Variants in TAOK1 observed in about 807,000 individuals in gnomAD.
TAOK1 encodes serine/threonine-protein kinase TAO1.
A neutral mutation model predicts 138.3 loss-of-function variants in TAOK1; 21 were observed. The observed-to-expected ratio is 0.15, with a 90% CI of 0.11 to 0.22. TAOK1 has a LOEUF of 0.22. Among genes scored for constraint, TAOK1 ranks in the 10% least tolerant of loss-of-function variants. TAOK1 has a pLI of 1.00. For missense variants in TAOK1, 651 were observed against 1,227.7 expected, an observed-to-expected ratio of 0.53 and a Z score of 7.02; for synonymous variants, 361 against 398.4, an observed-to-expected ratio of 0.91 and a Z score of 1.12.
chr17:29,466,286 G>A (rs900025431), intron 2 of TAOK1, among the ~76,000 whole-genome samples: 3 of 152,046 alleles, frequency 2.0e-5, no homozygotes, highest in Non-Finnish European at 4.4e-5. Context: ...TGGGATTACA[G>A]GCGTGCACCA....
rs551926378 is a variant in TAOK1, at chr17:29,483,465, C to G, written c.655+1177C>G. 2.6e-5 allele frequency among the ~76,000 whole-genome samples: 4 copies of G among 152,104 alleles called. No homozygotes were observed. In the East Asian group the frequency reaches 5.8e-4, roughly 22 times the overall value. ...TAATTTTGATTAATCATTATCTACT[C>G]GAGTTTGTCAGTAGTTTTCTAAAAT... is the stretch of plus-strand genomic sequence containing the variant. On this transcript the variant is annotated intron_variant, in intron 8 of 19. Transcript: ENST00000261716.
At chr17:29,411,232 C>T (rs1222282005) in intron 1 of TAOK1, among the ~76,000 whole-genome samples, 2 of 149,720 alleles carry the variant, frequency 1.3e-5, no homozygotes, top group African/African-American at 4.9e-5. Context: ...GCTGGGACTA[C>T]AGGCGCCCGC....
intron 1 of TAOK1, among the ~76,000 whole-genome samples, chr17:29,428,891 C>T (rs749199226): frequency 1.3e-4 from 20 of 151,966 alleles, no homozygotes; most frequent in Non-Finnish European, 2.1e-4. Flanking sequence ...CCTCGACCTC[C>T]CAGAGTGCTG....
At chr17:29,434,061 C>CA (rs1175539273) in intron 1 of TAOK1, among the ~76,000 whole-genome samples, 1 of 152,066 alleles carries the variant, frequency 6.6e-6, no homozygotes, top group Non-Finnish European at 1.5e-5. Context: ...CAAAACGAAA[C>CA]AAGGGGCGGG....
At chr17:29,491,363 T>C (rs1008144833) in intron 9 of TAOK1, among the ~76,000 whole-genome samples, 4 of 151,796 alleles carry the variant, frequency 2.6e-5, no homozygotes, top group Non-Finnish European at 5.9e-5. Flanking sequence ...GCAGATAGAG[T>C]GATATTCTGA....
chr17:29,466,436 G>A (rs574551708), intron 2 of TAOK1, among the ~76,000 whole-genome samples: 10 of 152,082 alleles, frequency 6.6e-5, no homozygotes, highest in Admixed American at 1.3e-4. Flanking sequence ...GAGCCACCAC[G>A]CCCAGCCTGT....
rs1158936354 is a variant in TAOK1 at position 29,542,842 on chromosome 17, G to A, written c.2826G>A (p.Gln942=). ...AWGHPMQGGP[Q]PWGHPSGPMQ... ...GCCATCCAATGCAAGGTGGACCCCA[G>A]CCATGGGGTCACCCTTCAGGGCCAA... The change falls in exon 20 of 20, where the codon CAG becomes CAA. Residue 942 remains glutamine, a synonymous_variant. Transcript: ENST00000261716. 1 of 1,614,052 alleles carries A rather than the reference G, an allele frequency of 6.2e-7. No homozygotes were observed. The highest frequency in any genetic ancestry group is 1.3e-5 in the African/African-American group (1 of 74,920).
At chr17:29,455,103 G>T (rs2153024562) in intron 2 of TAOK1, among the ~76,000 whole-genome samples, 1 of 152,054 alleles carries the variant, frequency 6.6e-6, no homozygotes, top group East Asian at 1.9e-4. Context: ...TAGAGACAGG[G>T]TTTCACCATG....
chr17:29,412,337 C>T (rs1905167118), intron 1 of TAOK1, among the ~76,000 whole-genome samples: 1 of 151,938 alleles, frequency 6.6e-6, no homozygotes, highest in Non-Finnish European at 1.5e-5. Context: ...GCCCCCATGC[C>T]CAGCCGATAC....
Position 29,542,805 on chromosome 17 carries a change from C to T in TAOK1, c.2789C>T (p.Pro930Leu). The change falls in exon 20 of 20, where the codon CCA becomes CTA. Residue 930 changes from proline to leucine, a missense_variant. Physicochemically the swap from Pro to Leu is moderately conservative, Grantham distance 98 (BLOSUM62 -3). This residue lies in a region of TAOK1 where 108 missense variants were observed against 120.3 expected (regional missense o/e 0.90). Transcript: ENST00000261716. The part of the protein sequence containing the change: ...PHWGHPMGGP[P>L]QAWGHPMQGG... The stretch of plus-strand genomic sequence containing the variant: ...TGGGGTCATCCCATGGGTGGCCCAC[C>T]ACAAGCTTGGGGCCATCCAATGCAA... 6.2e-7 allele frequency: 1 copy of T among 1,614,144 alleles called. No individual in the cohort carries two copies. Among genetic ancestry groups the T allele is most frequent in the Non-Finnish European group, 8.5e-7 (1 of 1,180,006 alleles).
chr17:29,406,407 A>G (rs1201839559), intron 1 of TAOK1, among the ~76,000 whole-genome samples: 3 of 152,126 alleles, frequency 2.0e-5, no homozygotes, highest in Non-Finnish European at 2.9e-5. Context: ...TGAGAGCATG[A>G]ATGATCAATA....
intron 1 of TAOK1, among the ~76,000 whole-genome samples, chr17:29,425,962 G>T (rs1008406282): frequency 6.6e-6 from 1 of 152,126 alleles, no homozygotes; most frequent in Non-Finnish European, 1.5e-5. Context: ...CTCACTGCAA[G>T]CTCCGCCTTC....
chr17:29,528,412 T>C (rs1263098263), intron 17 of TAOK1, among the ~76,000 whole-genome samples: 9 of 152,190 alleles, frequency 5.9e-5, no homozygotes, highest in Admixed American at 5.2e-4. Flanking sequence ...CATTGCGAAG[T>C]ATATCTCTAC....
intron 10 of TAOK1, among the ~76,000 whole-genome samples, chr17:29,493,015 C>T (rs1255020489): frequency 6.6e-6 from 1 of 151,476 alleles, no homozygotes; most frequent in Non-Finnish European, 1.5e-5. Context: ...ATGGTGGACT[C>T]GTGTAGTCCC....
chr17:29,461,560 A>G (rs2030532178), intron 2 of TAOK1, among the ~76,000 whole-genome samples: 1 of 152,168 alleles, frequency 6.6e-6, no homozygotes, highest in Non-Finnish European at 1.5e-5. Context: ...GACAGTTTTA[A>G]CATTAAATAA....
intron 1 of TAOK1, among the ~76,000 whole-genome samples, chr17:29,441,665 G>C (rs2029942274): frequency 6.6e-6 from 1 of 152,118 alleles, no homozygotes; most frequent in Non-Finnish European, 1.5e-5. Context: ...ACTTTGGGAG[G>C]CTAAGGCAGG....
chr17:29,477,391 A>G (rs982789516), intron 4 of TAOK1, among the ~76,000 whole-genome samples: 29 of 151,604 alleles, frequency 1.9e-4, no homozygotes, highest in Admixed American at 1.2e-3. Context: ...AGAAGTGATT[A>G]TATGTTGGCA....
At chr17:29,462,479 C>A (rs2030553812) in intron 2 of TAOK1, among the ~76,000 whole-genome samples, 1 of 152,136 alleles carries the variant, frequency 6.6e-6, no homozygotes, top group Non-Finnish European at 1.5e-5. Context: ...ATATGGTAGA[C>A]CATGTATGGT....
At chr17:29,494,337 C>T (rs2031367218) in intron 10 of TAOK1, among the ~76,000 whole-genome samples, 1 of 151,792 alleles carries the variant, frequency 6.6e-6, no homozygotes, top group Non-Finnish European at 1.5e-5. Flanking sequence ...TAACTCTACC[C>T]CCCACCCCCC....
Sources: allele counts gnomAD v4.1 joint callset (sites outside exome capture counted in the v4.1 genomes callset), GRCh38; gene constraint gnomAD v4.1.1; regional missense constraint gnomAD v4.1.1; transcripts MANE v1.5; gene names NCBI Gene and HGNC (gene_info 2026-07-23, HGNC 2026-07-21).